ZEB1: variants seen among roughly 807,000 people sequenced by gnomAD.
The protein encoded by ZEB1 is zinc finger E-box binding homeobox 1, also known as zinc finger E-box-binding homeobox 1.
Under a neutral mutation model 84.9 loss-of-function variants are expected in ZEB1, and 21 were observed. The ratio of observed to expected loss-of-function variants is 0.25; its 90% confidence interval spans 0.18 to 0.36. ZEB1 has a LOEUF of 0.36. ZEB1 is among the 10% of genes least tolerant of loss of function. ZEB1 has a pLI of 1.00. For synonymous variants in ZEB1, 420 were observed against 471.1 expected, an observed-to-expected ratio of 0.89 and a Z score of 1.41; for missense variants, 1,104 against 1,330.2, an observed-to-expected ratio of 0.83 and a Z score of 2.65.
chr10:31,397,485 C>A (rs1448749231), intron 1 of ZEB1, among the ~76,000 whole-genome samples: 1 of 151,974 alleles, frequency 6.6e-6, no homozygotes, highest in African/African-American at 2.4e-5. Context: ...AAATTCCTTC[C>A]TATTTTTGGA....
intron 1 of ZEB1, among the ~76,000 whole-genome samples, chr10:31,402,573 C>T (rs2052258829): frequency 6.6e-6 from 1 of 151,952 alleles, no homozygotes; most frequent in South Asian, 2.1e-4. Flanking sequence ...GTTTTCTCAC[C>T]TGTAAAATAA....
At chr10:31,461,703 T>C (rs1251987387) in intron 2 of ZEB1, among the ~76,000 whole-genome samples, 1 of 152,174 alleles carries the variant, frequency 6.6e-6, no homozygotes, top group Non-Finnish European at 1.5e-5. Flanking sequence ...TTTTTCACTT[T>C]AAATTTTTAC....
intron 1 of ZEB1, among the ~76,000 whole-genome samples, chr10:31,335,344 C>T (rs2037793459): frequency 6.6e-6 from 1 of 152,032 alleles, no homozygotes; most frequent in Non-Finnish European, 1.5e-5. Context: ...TCCATGCTAT[C>T]CATGGTTTCA....
At chr10:31,377,162 A>G (rs572296814) in intron 1 of ZEB1, among the ~76,000 whole-genome samples, 3 of 149,210 alleles carry the variant, frequency 2.0e-5, no homozygotes, top group South Asian at 4.2e-4. Flanking sequence ...TTATTTCAGT[A>G]CTACAAGTAT....
chr10:31,342,254 C>T (rs560720998), intron 1 of ZEB1, among the ~76,000 whole-genome samples: 2 of 152,084 alleles, frequency 1.3e-5, no homozygotes, highest in African/African-American at 2.4e-5. Context: ...ATATGGAAAC[C>T]GGGTAAGAAG....
chr10:31,334,349 G>A (rs2037529042), intron 1 of ZEB1, among the ~76,000 whole-genome samples: 2 of 152,050 alleles, frequency 1.3e-5, no homozygotes, highest in South Asian at 2.1e-4. Context: ...TAGAAATTTT[G>A]TGTGTGTGTG....
intron 1 of ZEB1, among the ~76,000 whole-genome samples, chr10:31,416,940 G>A (rs890158099): frequency 6.6e-6 from 1 of 152,076 alleles, no homozygotes; most frequent in Non-Finnish European, 1.5e-5. Context: ...TTCTATAGCT[G>A]CTACCCTAGT....
At chr10:31,423,652 C>CT (rs1278054671) in intron 1 of ZEB1, among the ~76,000 whole-genome samples, 1 of 152,082 alleles carries the variant, frequency 6.6e-6, no homozygotes, top group Non-Finnish European at 1.5e-5. Flanking sequence ...TGTATTATCT[C>CT]TTGAGTTATC....
At chr10:31,431,347 T>C (rs2057686437) in intron 1 of ZEB1, among the ~76,000 whole-genome samples, 1 of 152,200 alleles carries the variant, frequency 6.6e-6, no homozygotes, top group South Asian at 2.1e-4. Flanking sequence ...CATTATACTA[T>C]ACACTTGATC....
chr10:31,353,083 A>C (rs7907798), intron 1 of ZEB1, among the ~76,000 whole-genome samples: 1,617 of 152,322 alleles, frequency 0.011, 29 homozygotes, highest in African/African-American at 0.037. Context: ...GGGTCACTTA[A>C]GAGCTATCAG....
intron 1 of ZEB1, among the ~76,000 whole-genome samples, chr10:31,398,586 A>G (rs1364200515): frequency 6.6e-6 from 1 of 152,182 alleles, no homozygotes; most frequent in Non-Finnish European, 1.5e-5. Flanking sequence ...TCTTTCATGT[A>G]AAGCCTATAT....
upstream of ZEB1, chr10:31,318,895 C>A: frequency 2.6e-6 from 1 of 389,450 alleles, no homozygotes; most frequent in Non-Finnish European, 4.9e-6. Flanking sequence ...TCCAACTTTA[C>A]CTTTCCAACT....
At chr10:31,446,721 C>T (rs1479506468) in intron 1 of ZEB1, among the ~76,000 whole-genome samples, 3 of 152,080 alleles carry the variant, frequency 2.0e-5, no homozygotes, top group Admixed American at 6.6e-5. Flanking sequence ...AGTTGAGCAG[C>T]TTTGAGTGAG....
intron 1 of ZEB1, among the ~76,000 whole-genome samples, chr10:31,446,838 T>C (rs1213263977): frequency 5.3e-5 from 8 of 151,366 alleles, no homozygotes; most frequent in Admixed American, 5.3e-4. Context: ...TCCAAGTATG[T>C]GGTCAATTTT....
At chr10:31,350,337 G>C (rs936344335) in intron 1 of ZEB1, among the ~76,000 whole-genome samples, 1 of 152,076 alleles carries the variant, frequency 6.6e-6, no homozygotes, top group African/African-American at 2.4e-5. Context: ...AGGCCATTTG[G>C]GCACAGATTG....
chr10:31,447,912 A>G (rs1375323304), intron 1 of ZEB1, among the ~76,000 whole-genome samples: 1 of 151,998 alleles, frequency 6.6e-6, no homozygotes, highest in Non-Finnish European at 1.5e-5. Context: ...CTTCTTGAGG[A>G]GTATCTTTTT....
chr10:31,334,638 A>G (rs2037611972), intron 1 of ZEB1, among the ~76,000 whole-genome samples: 2 of 152,138 alleles, frequency 1.3e-5, no homozygotes, highest in Admixed American at 1.3e-4. Flanking sequence ...AACTAAAAAT[A>G]GATTATTTGA....
intron 1 of ZEB1, among the ~76,000 whole-genome samples, chr10:31,449,328 G>A (rs942620618): frequency 6.6e-6 from 1 of 152,258 alleles, no homozygotes; most frequent in African/African-American, 2.4e-5. Context: ...TCCCTAGTGA[G>A]ATGAACCTGG....
At chr10:31,476,800 G>T (rs894543724) in intron 2 of ZEB1, among the ~76,000 whole-genome samples, 8 of 151,970 alleles carry the variant, frequency 5.3e-5, no homozygotes, top group African/African-American at 1.4e-4. Context: ...GAATTAAAAA[G>T]AAAAACGATA....
Sources: gnomAD v4.1 joint callset for allele counts (sites outside exome capture counted in the v4.1 genomes callset) on GRCh38, gnomAD v4.1.1 for gene constraint, MANE v1.5 for transcripts, NCBI Gene and HGNC (gene_info 2026-07-23, HGNC 2026-07-21) for gene names.